C12orf76: variants seen among roughly 807,000 people sequenced by gnomAD.
The protein encoded by C12orf76 is uncharacterized protein C12orf76.
Under a neutral mutation model 6.8 loss-of-function variants are expected in C12orf76, and 6 were observed. That is an observed-to-expected ratio of 0.88 (90% confidence interval 0.48 to 1.73). The LOEUF (loss-of-function observed/expected upper bound fraction) is 1.73. C12orf76 is among the 40% of genes most tolerant of loss of function. The pLI is 0.01. For missense variants in C12orf76, 99 were observed against 98.2 expected (o/e 1.01, Z -0.03); for synonymous variants, 56 against 43.7 (o/e 1.28, Z -1.11).
chr12:110,068,256 GAAGAAGAA>G (rs1892904352), upstream of C12orf76, among the ~76,000 whole-genome samples: 2 of 65,742 alleles, frequency 3.0e-5, no homozygotes, highest in African/African-American at 6.3e-5. Flanking sequence ...GAAAGAAGAA[GAAGAAGAA>G]GAAGAAGAAG....
rs751009249 is a variant in C12orf76, at chr12:110,042,425, C to A, written c.168G>T (p.Val56=). ...CACAAAATGCCATAAGGATGACAGTCACCAGCAGGATGCTGAAAATGGTTC... is the reference window on the plus strand; with the variant it reads ...CACAAAATGCCATAAGGATGACAGTAACCAGCAGGATGCTGAAAATGGTTC... ...LMGTIFSILL[V]TVILMAFCVY... Residue 56 remains valine, a synonymous_variant, in exon 2 of 2, where the codon GTG becomes GTT. Transcript: ENST00000615315. 5.6e-6 allele frequency: 9 copies of A among 1,614,140 alleles called. No individual in the cohort carries two copies. In the East Asian group the frequency reaches 2.0e-4, roughly 36 times the overall value.
At chr12:110,068,253 G>GAAGAAGAAGAA (rs1892903441), upstream of C12orf76, among the ~76,000 whole-genome samples, 3 of 43,154 alleles carry the variant, frequency 7.0e-5, no homozygotes, top group Non-Finnish European at 9.8e-5. Flanking sequence ...GAAGAAAGAA[G>GAAGAAGAAGAA]AAGAAGAAGA....
chr12:110,052,069 T>A (rs1892586066), upstream of C12orf76, among the ~76,000 whole-genome samples: 1 of 149,888 alleles, frequency 6.7e-6, no homozygotes, highest in Non-Finnish European at 1.5e-5. Context: ...ATTTTTTGTA[T>A]TTTTTTTTAG....
At chr12:110,056,418 G>A (rs1028439052) in intron 4 of C12orf76, among the ~76,000 whole-genome samples, 2 of 152,144 alleles carry the variant, frequency 1.3e-5, no homozygotes, top group African/African-American at 4.8e-5. Context: ...TAACAGGGGT[G>A]TGAAGAAGCT....
At chr12:110,069,309 G>A (rs1346317160), upstream of C12orf76, among the ~76,000 whole-genome samples, 2 of 152,048 alleles carry the variant, frequency 1.3e-5, no homozygotes, top group Admixed American at 6.6e-5. Context: ...ACATGGTGGC[G>A]GGCGCCTGTA....
upstream of C12orf76, among the ~76,000 whole-genome samples, chr12:110,051,516 C>T (rs1892576022): frequency 6.7e-6 from 1 of 149,876 alleles, no homozygotes; most frequent in African/African-American, 2.5e-5. Flanking sequence ...AACCTCCGCC[C>T]CCTAGGTTGA....
At chr12:110,045,685 G>A (rs1892431163) in intron 1 of C12orf76, among the ~76,000 whole-genome samples, 1 of 152,198 alleles carries the variant, frequency 6.6e-6, no homozygotes, top group Non-Finnish European at 1.5e-5. Flanking sequence ...AAGGCCAGGC[G>A]CAGCGGCTCA....
rs77884468 is a variant in C12orf76 at position 110,059,974 on chromosome 12, G to A, written n.381-811C>T. 5.7e-3 allele frequency among the ~76,000 whole-genome samples: 864 copies of A among 152,268 alleles called. 8 individuals carry two copies. The highest frequency in any genetic ancestry group is 0.031 in the South Asian group (149 of 4,822). On this transcript the variant is annotated intron_variant and non_coding_transcript_variant, in intron 2 of 4. Transcript: ENST00000309050. ...TTGTGGTTACTGCTGGTGATGGTGAGGAAGATGATGAAGATAATTTTCATT... is the reference window on the plus strand; with the variant it reads ...TTGTGGTTACTGCTGGTGATGGTGAAGAAGATGATGAAGATAATTTTCATT...
chr12:110,058,597 G>A (rs560646518), intron 3 of C12orf76, among the ~76,000 whole-genome samples: 69 of 152,174 alleles, frequency 4.5e-4, no homozygotes, highest in Middle Eastern at 3.4e-3. Context: ...CCTGGAAGGC[G>A]GAGGTTGCAG....
At chr12:110,062,477 T>G (rs982383274) in intron 2 of C12orf76, among the ~76,000 whole-genome samples, 4 of 152,192 alleles carry the variant, frequency 2.6e-5, no homozygotes, top group African/African-American at 9.6e-5. Context: ...ACTAGGCTGA[T>G]GAAATGTTCT....
upstream of C12orf76, among the ~76,000 whole-genome samples, chr12:110,071,118 T>C (rs1249386609): frequency 1.3e-5 from 2 of 152,162 alleles, no homozygotes; most frequent in Non-Finnish European, 2.9e-5. Flanking sequence ...GTAGTAAAAA[T>C]AGGAATCAAA....
Position 110,043,092 on chromosome 12 carries a change from CTG to C in C12orf76, c.134-635_134-634del, listed in dbSNP as rs1381484032. On this transcript the variant is annotated intron_variant, in intron 1 of 1. Transcript: ENST00000615315. ...CAAAAAAAAAAACAACAACAAAAAA[CTG>C]AGACCTTACGAGTGAGGCTCTGCAG... Among the ~76,000 whole-genome samples, 8 of 151,728 alleles carry C rather than the reference CTG, an allele frequency of 5.3e-5. No individual in the cohort carries two copies. The East Asian group carries it at 1.2e-3, about 22-fold the overall frequency.
chr12:110,065,714 T>C, intron 2 of C12orf76: 1 of 1,357,016 alleles, frequency 7.4e-7, no homozygotes, highest in East Asian at 2.3e-5. Context: ...CTCTGCACAG[T>C]GGCCCATGAG....
At chr12:110,059,101 AGCT>A (rs1204397263) in exon 3 of C12orf76, 1 of 1,551,694 alleles carries the variant, frequency 6.4e-7, no homozygotes, top group Non-Finnish European at 8.7e-7. Context: ...CCACAGCCTC[AGCT>A]CTCTTAAATG....
chr12:110,043,389 T>C (rs1892367635), intron 1 of C12orf76, among the ~76,000 whole-genome samples: 1 of 151,154 alleles, frequency 6.6e-6, no homozygotes, highest in East Asian at 1.9e-4. Flanking sequence ...AAAAAAAAGA[T>C]TCCTCTGGCT....
chr12:110,042,341 T>A lies in C12orf76; in HGVS notation c.*33A>T, dbSNP rs1391249600. On this transcript the variant is annotated 3_prime_UTR_variant, in exon 2 of 2. Transcript: ENST00000615315. ...CTGTGTGCAACACAACTTATCCTAT[T>A]CCCAAATACTCATTGAAGAACTTGT... 6.3e-7 allele frequency: 1 copy of A among 1,582,956 alleles called. No homozygotes were observed. The highest frequency in any genetic ancestry group is 1.1e-5 in the South Asian group (1 of 90,408).
upstream of C12orf76, among the ~76,000 whole-genome samples, chr12:110,070,853 C>T (rs949007569): frequency 3.3e-5 from 5 of 152,190 alleles, no homozygotes; most frequent in African/African-American, 1.2e-4. Flanking sequence ...CAGCTCACTG[C>T]AACCTCCACC....
At chr12:110,059,145 C>T in exon 3 of C12orf76, 1 of 1,547,254 alleles carries the variant, frequency 6.5e-7, no homozygotes, top group Non-Finnish European at 8.7e-7. Context: ...TTTCCAATTT[C>T]CTTTTCAAAT....
chr12:110,049,233 A>T (rs1892532474), upstream of C12orf76: 1 of 152,254 alleles, frequency 6.6e-6, no homozygotes, highest in South Asian at 2.1e-4. Flanking sequence ...AAGGAAGTGA[A>T]ACCAAAGACG....
Sources: gnomAD v4.1 joint callset for allele counts (sites outside exome capture counted in the v4.1 genomes callset) on GRCh38, gnomAD v4.1.1 for gene constraint, MANE v1.5 for transcripts, NCBI Gene and HGNC (gene_info 2026-07-23, HGNC 2026-07-21) for gene names.